The following SHROOM2 variants were observed in gnomAD, a reference collection of about 807,000 sequenced individuals.
The protein encoded by SHROOM2 is shroom family member 2, also known as protein Shroom2.
SHROOM2 carries 33 observed loss-of-function variants against 75.9 expected under a neutral mutation model. The observed-to-expected ratio is 0.43, with a 90% CI of 0.33 to 0.58. The LOEUF is 0.58. SHROOM2 is among the 20% of genes least tolerant of loss of function. The pLI is 0.04. For synonymous variants in SHROOM2, 655 were observed against 663.6 expected, an observed-to-expected ratio of 0.99 and a Z score of 0.20; for missense variants, 1,434 against 1,461.2, an observed-to-expected ratio of 0.98 and a Z score of 0.30.
chrX:9,872,338 G>A (rs952155510), intron 1 of SHROOM2, among the ~76,000 whole-genome samples: 2 of 113,078 alleles, frequency 1.8e-5, no homozygotes, highest in African/African-American at 6.4e-5. Flanking sequence ...GCCGAGGCGG[G>A]TGGATCACGA....
chrX:9,786,833 T>A, intron 1 of SHROOM2, 123 bp downstream of exon 1: 1 of 485,045 alleles, frequency 2.1e-6, no homozygotes, highest in Non-Finnish European at 2.7e-6. Context: ...GCGCGTCTGC[T>A]GGGGTCACCT....
chrX:9,837,142 C>G (rs1444041060), intron 1 of SHROOM2, among the ~76,000 whole-genome samples: 1 of 112,426 alleles, frequency 8.9e-6, no homozygotes, highest in Non-Finnish European at 1.9e-5. Context: ...TCATTGCTTT[C>G]CCGTGCCACC....
intron 1 of SHROOM2, among the ~76,000 whole-genome samples, chrX:9,831,515 G>A (rs2083916004): frequency 8.9e-6 from 1 of 111,853 alleles, no homozygotes; most frequent in African/African-American, 3.2e-5. Flanking sequence ...AAAATTAGCC[G>A]GGTGTGGTGG....
chrX:9,934,801 T>C (rs1297928039), intron 6 of SHROOM2, among the ~76,000 whole-genome samples: 1 of 111,600 alleles, frequency 9.0e-6, no homozygotes, highest in Non-Finnish European at 1.9e-5. Flanking sequence ...TACTGTATTT[T>C]ATATTATTAT....
Position 9,932,198 on chromosome X carries a change from A to G in SHROOM2, c.2915A>G (p.Glu972Gly). The G allele has an allele frequency of 1.8e-6, 2 of 1,130,329 alleles. No individual in the cohort carries two copies. Among genetic ancestry groups the G allele is most frequent in the Non-Finnish European group, 2.3e-6 (2 of 855,873 alleles). 93.2% of individuals were successfully genotyped at this position (1,130,329 alleles called of 1,213,427 possible). ...TPRQADAQCR[E>G]GSPGSQQHPP... The stretch of plus-strand genomic sequence containing the variant: ...AGACAAGCAGATGCCCAGTGTCGGG[A>G]AGGCAGCCCAGGATCACAGCAGCAC... Residue 972 changes from glutamate to glycine, a missense_variant, in exon 6 of 10, where the codon GAA (glutamate) becomes GGA (glycine). Glu to Gly is a moderately conservative substitution (Grantham distance 98). This residue lies in a region of SHROOM2 where 1,340 missense variants were observed against 1,338.3 expected (regional missense o/e 1.00). Coordinates refer to ENST00000380913, the MANE Select transcript of SHROOM2 (RefSeq NM_001649.4).
At chrX:9,864,740 G>A (rs984902166) in intron 1 of SHROOM2, among the ~76,000 whole-genome samples, 103 of 108,369 alleles carry the variant, frequency 9.5e-4, no homozygotes, top group African/African-American at 2.8e-3. Flanking sequence ...CAGGAGAATG[G>A]CGTGAACCCG....
intron 1 of SHROOM2, among the ~76,000 whole-genome samples, chrX:9,830,584 CTTTTTTTTTT>C (rs1166769024): frequency 7.4e-4 from 25 of 33,652 alleles, no homozygotes; most frequent in Admixed American, 1.1e-3. Context: ...CCCCTGGTTT[CTTTTTTTTTT>C]TTTTTTTTTT....
chrX:9,897,137 G>A (rs2084337339), intron 4 of SHROOM2, among the ~76,000 whole-genome samples: 1 of 111,876 alleles, frequency 8.9e-6, no homozygotes, highest in Admixed American at 9.5e-5. Flanking sequence ...ATAGTATTTG[G>A]GTTTTTTTAG....
chrX:9,845,308 ACT>A (rs928398670), intron 1 of SHROOM2, among the ~76,000 whole-genome samples: 14 of 111,357 alleles, frequency 1.3e-4, no homozygotes, highest in African/African-American at 3.9e-4. Context: ...TGGGGCACTG[ACT>A]CTGTTGTTTA....
chrX:9,838,683 T>C (rs1206834191), intron 1 of SHROOM2, among the ~76,000 whole-genome samples: 1 of 111,658 alleles, frequency 9.0e-6, no homozygotes, highest in Non-Finnish European at 1.9e-5. Flanking sequence ...CAAAAAGCCT[T>C]AAATAAGAGA....
At chrX:9,791,025 G>A (rs1473843842) in intron 1 of SHROOM2, among the ~76,000 whole-genome samples, 3 of 110,609 alleles carry the variant, frequency 2.7e-5, no homozygotes, top group African/African-American at 9.9e-5. Context: ...AGCCTTCTGC[G>A]ATTATGAGAA....
chrX:9,792,076 G>C (rs1320805717), intron 1 of SHROOM2, among the ~76,000 whole-genome samples: 1 of 8,074 alleles, frequency 1.2e-4, no homozygotes, highest in Admixed American at 2.3e-3. Context: ...GAATAGAATA[G>C]AATAGAATAG....
chrX:9,875,534 G>A (rs1167253828), intron 2 of SHROOM2, among the ~76,000 whole-genome samples: 1 of 111,936 alleles, frequency 8.9e-6, no homozygotes, highest in Admixed American at 9.4e-5. Flanking sequence ...ACACTGGGCT[G>A]TGCTTGTGGT....
chrX:9,933,164 C>A (rs1321858596), intron 6 of SHROOM2, among the ~76,000 whole-genome samples: 1 of 110,980 alleles, frequency 9.0e-6, no homozygotes, highest in East Asian at 2.8e-4. Flanking sequence ...TACCCACAGG[C>A]ATCTGCAGGG....
intron 1 of SHROOM2, among the ~76,000 whole-genome samples, chrX:9,819,622 G>A (rs2083841645): frequency 3.6e-5 from 4 of 111,066 alleles, no homozygotes; most frequent in African/African-American, 1.3e-4. Flanking sequence ...GGCTGTAAGC[G>A]TCTTGCTTGT....
intron 3 of SHROOM2, among the ~76,000 whole-genome samples, chrX:9,891,786 C>T (rs757490991): frequency 2.9e-4 from 32 of 110,129 alleles, no homozygotes; most frequent in South Asian, 1.2e-3. Flanking sequence ...GTATGTGTGC[C>T]TGTGCATCTC....
Position 9,932,537 on chromosome X carries a change from C to A in SHROOM2, c.3254C>A (p.Ala1085Asp), listed in dbSNP as rs769458270. The A allele has an allele frequency of 1.7e-6, 2 of 1,211,154 alleles. No homozygotes were observed. The highest frequency in any genetic ancestry group is 1.8e-5 in the South Asian group (1 of 56,929). Residue 1085 changes from alanine to aspartate, a missense_variant, in exon 6 of 10, where the codon GCC becomes GAC. Around this residue, in one of 3 missense-constraint regions of SHROOM2, gnomAD observed 1,340 missense variants for 1,338.3 expected, o/e 1.00. Transcript: ENST00000380913. The stretch of plus-strand genomic sequence containing the variant: ...GCCACAGACGGCGCACCTGCTGACG[C>A]CCCCGTGGGCGTCCTCGGCAGGCCC... ...YRATDGAPAD[A>D]PVGVLGRPFP...
intron 2 of SHROOM2, among the ~76,000 whole-genome samples, chrX:9,881,004 G>T (rs1258001615): frequency 1.8e-5 from 2 of 111,699 alleles, no homozygotes; most frequent in African/African-American, 6.5e-5. Flanking sequence ...AAGGCCTTTG[G>T]AATGGAATGG....
At chrX:9,872,890 A>G (rs770590934) in intron 1 of SHROOM2, among the ~76,000 whole-genome samples, 1 of 112,524 alleles carries the variant, frequency 8.9e-6, no homozygotes, top group African/African-American at 3.2e-5. Context: ...AGCCAAAAGT[A>G]GACACTGATG....
Sources: gnomAD v4.1 joint callset for allele counts (sites outside exome capture counted in the v4.1 genomes callset) on GRCh38, gnomAD v4.1.1 for gene constraint, gnomAD v4.1.1 regional missense constraint, MANE v1.5 for transcripts, NCBI Gene and HGNC (gene_info 2026-07-23, HGNC 2026-07-21) for gene names.